The following C10orf90 variants were observed in gnomAD, a reference collection of about 807,000 sequenced individuals.
C10orf90 encodes the protein (E2-independent) E3 ubiquitin-conjugating enzyme FATS.
In C10orf90, 56 loss-of-function variants were observed where a neutral mutation model predicts 62.5. The ratio of observed to expected loss-of-function variants is 0.90; its 90% CI spans 0.72 to 1.12. C10orf90 has a LOEUF of 1.12. C10orf90 is among the 50% of genes most tolerant of loss of function. The pLI is 0.00. For missense variants in C10orf90, 970 were observed against 880.4 expected (o/e 1.10, Z -1.29); for synonymous variants, 386 against 340.4 (o/e 1.13, Z -1.47).
intron 2 of C10orf90, among the ~76,000 whole-genome samples, chr10:126,633,435 G>A (rs2133832839): frequency 6.6e-6 from 1 of 152,366 alleles, no homozygotes; most frequent in Non-Finnish European, 1.5e-5. Flanking sequence ...TGATGAACAT[G>A]GCCAAGGCCA....
At chr10:126,655,678 T>G (rs1430948347) in intron 1 of C10orf90, among the ~76,000 whole-genome samples, 1 of 152,130 alleles carries the variant, frequency 6.6e-6, no homozygotes, top group African/African-American at 2.4e-5. Flanking sequence ...ATTAGAGTCC[T>G]GAACAGTTTG....
chr10:126,457,554 C>T (rs951263107), intron 7 of C10orf90, among the ~76,000 whole-genome samples: 15 of 152,298 alleles, frequency 9.8e-5, no homozygotes, highest in South Asian at 4.1e-4. Context: ...GGAAGCCCTC[C>T]GTGCCATTTT....
chr10:126,627,792 T>C (rs2133824952), intron 2 of C10orf90, among the ~76,000 whole-genome samples: 1 of 152,320 alleles, frequency 6.6e-6, no homozygotes, highest in East Asian at 1.9e-4. Flanking sequence ...CTTGCTATGC[T>C]ATCCAGGTTG....
At chr10:126,521,078 C>G (rs1397031247) in intron 2 of C10orf90, among the ~76,000 whole-genome samples, 3 of 152,172 alleles carry the variant, frequency 2.0e-5, no homozygotes, top group Admixed American at 6.5e-5. Context: ...ACCAGCGCCC[C>G]CAACAGGCGC....
chr10:126,545,627 A>G (rs1864473381), intron 2 of C10orf90, among the ~76,000 whole-genome samples: 2 of 152,062 alleles, frequency 1.3e-5, no homozygotes, highest in Non-Finnish European at 2.9e-5. Context: ...TCTTTGGCAA[A>G]CCCATTTACT....
At chr10:126,619,122 AC>A (rs1363514095) in intron 2 of C10orf90, among the ~76,000 whole-genome samples, 1 of 152,120 alleles carries the variant, frequency 6.6e-6, no homozygotes, top group African/African-American at 2.4e-5. Flanking sequence ...TTTACGTAAC[AC>A]CGTGCACACT....
At chr10:126,487,904 A>G (rs931463817) in intron 4 of C10orf90, among the ~76,000 whole-genome samples, 3 of 152,194 alleles carry the variant, frequency 2.0e-5, no homozygotes, top group African/African-American at 7.2e-5. Flanking sequence ...GATGATGAGA[A>G]GTAAAGTATT....
chr10:126,626,443 TA>T (rs1220127593), intron 2 of C10orf90, among the ~76,000 whole-genome samples: 2 of 152,154 alleles, frequency 1.3e-5, no homozygotes, highest in Non-Finnish European at 2.9e-5. Context: ...AAACTTCTAT[TA>T]AGCTCAGGGG....
intron 2 of C10orf90, among the ~76,000 whole-genome samples, chr10:126,626,956 C>A (rs1180767056): frequency 1.3e-5 from 2 of 151,740 alleles, no homozygotes; most frequent in African/African-American, 4.8e-5. Flanking sequence ...CCAGGTTGAA[C>A]AGACAGGAGC....
At chr10:126,488,290 T>G (rs1223965681) in intron 4 of C10orf90, among the ~76,000 whole-genome samples, 1 of 152,040 alleles carries the variant, frequency 6.6e-6, no homozygotes, top group Non-Finnish European at 1.5e-5. Flanking sequence ...AAGACATAAT[T>G]AAAACAAAGG....
chr10:126,560,850 A>G (rs1864883909), intron 2 of C10orf90, among the ~76,000 whole-genome samples: 1 of 152,192 alleles, frequency 6.6e-6, no homozygotes, highest in Non-Finnish European at 1.5e-5. Flanking sequence ...TGAAACGTGG[A>G]TTTTGTATAA....
chr10:126,432,481 C>T (rs1478045690), intron 7 of C10orf90, among the ~76,000 whole-genome samples: 1 of 152,194 alleles, frequency 6.6e-6, no homozygotes, highest in African/African-American at 2.4e-5. Flanking sequence ...AAGTCAAAAA[C>T]CAGCTAAAGT....
chr10:126,571,186 C>T (rs1358576594), intron 2 of C10orf90, among the ~76,000 whole-genome samples: 4 of 152,258 alleles, frequency 2.6e-5, no homozygotes, highest in South Asian at 2.1e-4. Context: ...TCCTGACCCA[C>T]GAGGTCCTTC....
intron 2 of C10orf90, among the ~76,000 whole-genome samples, chr10:126,549,155 C>G (rs1241443670): frequency 1.3e-5 from 2 of 152,140 alleles, no homozygotes; most frequent in Non-Finnish European, 2.9e-5. Context: ...GAAAAATTGA[C>G]AAATTGTACT....
At chr10:126,516,234 C>A (rs1367127240) in intron 2 of C10orf90, among the ~76,000 whole-genome samples, 2 of 152,172 alleles carry the variant, frequency 1.3e-5, no homozygotes, top group African/African-American at 4.8e-5. Context: ...GCTTTGCCAT[C>A]CGAGCACTGA....
At chr10:126,533,898 A>G (rs927207713) in intron 2 of C10orf90, among the ~76,000 whole-genome samples, 5 of 152,222 alleles carry the variant, frequency 3.3e-5, no homozygotes, top group African/African-American at 1.2e-4. Flanking sequence ...GCTGAATTAC[A>G]AATGCTGGAT....
intron 2 of C10orf90, among the ~76,000 whole-genome samples, chr10:126,565,329 T>TA (rs1338030312): frequency 4.5e-5 from 2 of 44,380 alleles, no homozygotes; most frequent in African/African-American, 2.5e-4. Flanking sequence ...TATTATATAT[T>TA]TATATTATAT....
At chr10:126,438,020 T>C (rs113355626) in intron 7 of C10orf90, among the ~76,000 whole-genome samples, 7 of 152,352 alleles carry the variant, frequency 4.6e-5, no homozygotes, top group African/African-American at 1.7e-4. Context: ...GTGAAGACTT[T>C]CTAATGGGAA....
At chr10:126,636,957 G>C (rs763429902) in intron 2 of C10orf90, among the ~76,000 whole-genome samples, 2 of 152,128 alleles carry the variant, frequency 1.3e-5, no homozygotes, top group Non-Finnish European at 2.9e-5. Flanking sequence ...CTTGGAAGGA[G>C]TGTGTGACTT....
Sources: allele counts gnomAD v4.1 joint callset (sites outside exome capture counted in the v4.1 genomes callset), GRCh38; gene constraint gnomAD v4.1.1; transcripts MANE v1.5; gene names NCBI Gene and HGNC (gene_info 2026-07-23, HGNC 2026-07-21).